Variants in PIR observed in about 807,000 individuals in gnomAD.
PIR encodes the protein pirin (iron-binding nuclear protein).
In PIR, 22 loss-of-function variants were observed where a neutral mutation model predicts 24.2. That is an observed-to-expected ratio of 0.91 (90% CI 0.65 to 1.30). The LOEUF (loss-of-function observed/expected upper bound fraction) is 1.30. Among genes scored for constraint, PIR ranks in the 50% most tolerant of loss-of-function variants. PIR has a pLI of 0.00. For synonymous variants in PIR, 80 were observed against 79.6 expected, an observed-to-expected ratio of 1.00 and a Z score of -0.03; for missense variants, 220 against 220.3, an observed-to-expected ratio of 1.00 and a Z score of 0.01.
chrX:15,400,085 G>A (rs939672422), intron 7 of PIR, among the ~76,000 whole-genome samples: 6 of 111,867 alleles, frequency 5.4e-5, no homozygotes, highest in South Asian at 3.8e-4. Flanking sequence ...CACACAATCA[G>A]CTCCTGCAAG....
chrX:15,457,341 G>A (rs996573581), intron 4 of PIR, among the ~76,000 whole-genome samples: 1 of 111,632 alleles, frequency 9.0e-6, no homozygotes, highest in South Asian at 3.8e-4. Flanking sequence ...GTACACATAC[G>A]GGGACCATCA....
chrX:15,414,061 G>A (rs759049937), intron 6 of PIR, among the ~76,000 whole-genome samples: 19 of 112,139 alleles, frequency 1.7e-4, no homozygotes, highest in Non-Finnish European at 3.4e-4. Flanking sequence ...TCTCTAGAAT[G>A]TAAACTCAGA....
At chrX:15,400,369 A>G (rs962511898) in intron 7 of PIR, among the ~76,000 whole-genome samples, 1 of 112,138 alleles carries the variant, frequency 8.9e-6, no homozygotes, top group African/African-American at 3.2e-5. Flanking sequence ...TAATTCATGT[A>G]TAACACCCAT....
chrX:15,385,049 AT>A lies in PIR; in HGVS notation c.827del (p.Asn276MetfsTer24). 8.3e-7 allele frequency: 1 copy of A among 1,198,322 alleles called. No homozygotes were observed. Among genetic ancestry groups the A allele is most frequent in the Non-Finnish European group, 1.1e-6 (1 of 884,226 alleles). ...QAILDFRNAK[N>X]GFERAKTWKS... ...TCCAGGTTTTGGCCCTTTCAAACCC[AT>A]TTTTTGCGTTTCTGAAATCAAGAAT... On this transcript the variant is annotated frameshift_variant, in exon 10 of 10. Coordinates refer to ENST00000380420, the MANE Select transcript of PIR (RefSeq NM_001018109.3). LOFTEE classifies it high-confidence loss of function.
intron 5 of PIR, among the ~76,000 whole-genome samples, chrX:15,431,659 TA>T (rs1925507809): frequency 1.1e-5 from 1 of 91,619 alleles, no homozygotes; most frequent in Non-Finnish European, 2.1e-5. Context: ...AGGTAAAAGT[TA>T]AAAAATAACC....
rs1166870405 is a variant in PIR at position 15,459,554 on chromosome X, TAGAG to T, written c.273+99_273+102del. 4.7e-5 allele frequency: 24 copies of T among 510,546 alleles called. No homozygotes were observed. The East Asian group carries it at 5.8e-4, about 12-fold the overall frequency. 42.1% of individuals were successfully genotyped at this position (510,546 alleles called of 1,213,427 possible). ...AGAAAAGGAAAAGTCAAGAATATAA[TAGAG>T]AGAGTGTGGAAAGGGTGAATGTACT... On this transcript the variant is annotated intron_variant, in intron 4 of 9. Transcript: ENST00000380420.
rs768962942 is a variant in PIR at position 15,390,187 on chromosome X, T to C, written c.758A>G (p.His253Arg). The C allele has an allele frequency of 1.8e-6, 2 of 1,113,704 alleles. No individual in the cohort carries two copies. The highest frequency in any genetic ancestry group is 2.4e-5 in the Admixed American group (1 of 42,029). The allele number at this position is 1,113,704 out of a possible 1,213,427, so 91.8% of individuals were successfully genotyped here. A position where few individuals can be genotyped will look rare whatever the true frequency, so the allele number is the denominator to read the frequency against. Residue 253 changes from histidine to arginine, a missense_variant and splice_region_variant, in exon 9 of 10, where the codon CAT becomes CGT. Physicochemically the swap from His to Arg is conservative, Grantham distance 29. Transcript: ENST00000380420. ...GEPLREPVIQ[H>R]GPFVMNTNEE... is the part of the protein sequence containing the mutation. Reference sequence around the variant, plus strand: ...AATCATTGTCATTTTGGTCTTACCATGTTGGATAACTGGTTCTCTTAATGG... The same window carrying C: ...AATCATTGTCATTTTGGTCTTACCACGTTGGATAACTGGTTCTCTTAATGG...
intron 7 of PIR, among the ~76,000 whole-genome samples, chrX:15,404,101 G>C (rs1924482684): frequency 9.1e-6 from 1 of 109,880 alleles, no homozygotes; most frequent in East Asian, 2.8e-4. Context: ...CCGGGTTCAA[G>C]TGATTCTCCT....
chrX:15,407,718 A>G (rs747067533), intron 6 of PIR, 168 bp from the exon 7 acceptor site: 9 of 438,511 alleles, frequency 2.1e-5, no homozygotes, highest in Non-Finnish European at 3.6e-5. Flanking sequence ...ATATACACTG[A>G]CACTCATTCT....
chrX:15,415,469 G>A (rs183809220), intron 6 of PIR, among the ~76,000 whole-genome samples: 3 of 112,037 alleles, frequency 2.7e-5, no homozygotes, highest in Admixed American at 1.9e-4. Flanking sequence ...TTTAAAAAAT[G>A]TAATTGTATC....
chrX:15,471,383 A>C (rs5980159), intron 3 of PIR, among the ~76,000 whole-genome samples: 43,835 of 111,088 alleles, frequency 0.39, 6,323 homozygotes, highest in East Asian at 0.46. Context: ...TTTTAGGCTA[A>C]AGATGGTTTT....
Position 15,491,205 on chromosome X carries a change from T to C in PIR, c.53A>G (p.Glu18Gly), listed in dbSNP as rs1429642125. The change falls in exon 2 of 10, where the codon GAA becomes GGA. Residue 18 changes from glutamate (E) to glycine (G), a missense_variant. By Grantham distance (98) the Glu-to-Gly change is moderately conservative. Transcript: ENST00000380420. Reference protein sequence around the residue: ...TLSVLSREQSEGVGARVRRSI... With the variant: ...TLSVLSREQSGGVGARVRRSI... Reference sequence around the variant, plus strand: ...TCTCCGGACCCTCGCTCCAACCCCTTCCGACTGCTCCCGGCTGAGCACTGA... The same window carrying C: ...TCTCCGGACCCTCGCTCCAACCCCTCCCGACTGCTCCCGGCTGAGCACTGA... 1 of 1,207,824 alleles carries C rather than the reference T, an allele frequency of 8.3e-7. No individual in the cohort carries two copies. Among genetic ancestry groups the C allele is most frequent in the Non-Finnish European group, 1.1e-6 (1 of 893,133 alleles).
chrX:15,472,620 CAAAT>C (rs1406896691), intron 3 of PIR, among the ~76,000 whole-genome samples: 2 of 111,885 alleles, frequency 1.8e-5, no homozygotes, highest in East Asian at 5.6e-4. Flanking sequence ...TCAGAATAGA[CAAAT>C]AAATAGAGAC....
In PIR at chrX:15,479,755, C is replaced by T. The variant is rs866843206; in HGVS notation, c.163G>A (p.Asp55Asn). 3.4e-6 allele frequency: 4 copies of T among 1,169,263 alleles called. No homozygotes were observed. The African/African-American group carries it at 7.1e-5, about 21-fold the overall frequency. ...FKGGRPGGFP[D>N]HPHRGFETVS... ...GTTTCAAAACCTCGATGTGGATGAT[C>T]AGGAAATCCTCCTGGTCTACCTCCT... Residue 55 changes from aspartate to asparagine, a missense_variant, in exon 3 of 10, where the codon GAT becomes AAT. By Grantham distance (23) the Asp-to-Asn change is conservative. Transcript: ENST00000380420.
At chrX:15,469,419 C>T (rs1394270970) in intron 3 of PIR, among the ~76,000 whole-genome samples, 2 of 111,860 alleles carry the variant, frequency 1.8e-5, no homozygotes, top group African/African-American at 6.5e-5. Flanking sequence ...CTAGAAGGAA[C>T]ACAGTGGTCA....
chrX:15,462,357 G>A (rs376287498), intron 3 of PIR, among the ~76,000 whole-genome samples: 1 of 111,658 alleles, frequency 9.0e-6, no homozygotes, highest in Admixed American at 9.5e-5. Flanking sequence ...ATTTGGATTC[G>A]ACATCCATTT....
At chrX:15,486,305 A>AAAAAAAAAAAAAAAAAAAAAAAAAAAAC (rs1287691265) in intron 2 of PIR, among the ~76,000 whole-genome samples, 1 of 102,032 alleles carries the variant, frequency 9.8e-6, no homozygotes, top group Non-Finnish European at 2.0e-5. Context: ...TCTCAAAAAA[A>AAAAAAAAAAAAAAAAAAAAAAAAAAAAC]AAAAAAGAAG....
At chrX:15,420,348 C>T (rs1925088881) in intron 6 of PIR, among the ~76,000 whole-genome samples, 1 of 111,967 alleles carries the variant, frequency 8.9e-6, no homozygotes, top group Non-Finnish European at 1.9e-5. Flanking sequence ...AAGGTGATGT[C>T]TGAGAGCAGA....
intron 7 of PIR, among the ~76,000 whole-genome samples, chrX:15,398,725 G>GTGAGATCTA (rs1295301817): frequency 1.3e-4 from 11 of 87,257 alleles, no homozygotes; most frequent in African/African-American, 4.5e-4. Flanking sequence ...TACCAGATCT[G>GTGAGATCTA]TGTCTTGGAG....
Sources: gnomAD v4.1 joint callset for allele counts (sites outside exome capture counted in the v4.1 genomes callset) on GRCh38, gnomAD v4.1.1 for gene constraint, MANE v1.5 for transcripts, NCBI Gene and HGNC (gene_info 2026-07-23, HGNC 2026-07-21) for gene names.